ZNF398: variants seen among roughly 807,000 people sequenced by gnomAD.
ZNF398 encodes zinc finger protein 398.
A neutral mutation model predicts 41.9 loss-of-function variants in ZNF398; 18 were observed. The ratio of observed to expected loss-of-function variants is 0.43; its 90% CI spans 0.30 to 0.64. ZNF398 has a LOEUF of 0.64. Among genes scored for constraint, ZNF398 ranks in the 30% least tolerant of loss-of-function variants. The pLI is 0.14. For synonymous variants in ZNF398, 260 were observed against 308.8 expected (o/e 0.84, Z 1.66); for missense variants, 669 against 822.8 (o/e 0.81, Z 2.29).
At chr7:149,143,305 A>G (rs971816861), upstream of ZNF398, among the ~76,000 whole-genome samples, 5 of 152,244 alleles carry the variant, frequency 3.3e-5, no homozygotes, top group Admixed American at 1.3e-4. Flanking sequence ...AATATTACCA[A>G]TGTAGCAAGA....
At chr7:149,172,333 C>T (rs147982355) in intron 4 of ZNF398, among the ~76,000 whole-genome samples, 7 of 152,228 alleles carry the variant, frequency 4.6e-5, no homozygotes, top group East Asian at 1.9e-4. Context: ...TCATCTGGGG[C>T]GTGAATCATC....
At chr7:149,167,528 A>G (rs969806037) in intron 4 of ZNF398, among the ~76,000 whole-genome samples, 1 of 152,022 alleles carries the variant, frequency 6.6e-6, no homozygotes, top group Admixed American at 6.6e-5. Context: ...TTGTTCTTTG[A>G]TGGATAGAAG....
intron 2 of ZNF398, among the ~76,000 whole-genome samples, chr7:149,154,875 G>A (rs886946611): frequency 2.0e-5 from 3 of 151,690 alleles, no homozygotes; most frequent in Non-Finnish European, 4.4e-5. Flanking sequence ...TATAATCCTA[G>A]CCACTCGGGA....
At chr7:149,134,246 TG>T (rs1186798888) in intron 2 of ZNF398, among the ~76,000 whole-genome samples, 104 of 151,724 alleles carry the variant, frequency 6.9e-4, no homozygotes, top group African/African-American at 2.2e-3. Flanking sequence ...TTTGTTTTTT[TG>T]TTTTTTTTGG....
At chr7:149,166,371 C>T (rs984076136) in intron 3 of ZNF398, 87 bp downstream of exon 3, 8 of 1,515,300 alleles carry the variant, frequency 5.3e-6, no homozygotes, top group Non-Finnish European at 7.3e-6. Flanking sequence ...TGACCTCATT[C>T]TCACTCTGTC....
At chr7:149,150,484 G>A (rs140232604) in intron 1 of ZNF398, among the ~76,000 whole-genome samples, 121 of 152,038 alleles carry the variant, frequency 8.0e-4, no homozygotes, top group African/African-American at 2.5e-3. Flanking sequence ...CTGTGGTCCC[G>A]GCTACTCGGG....
intron 2 of ZNF398, among the ~76,000 whole-genome samples, chr7:149,135,408 A>G (rs550346492): frequency 1.4e-3 from 213 of 148,770 alleles, no homozygotes; most frequent in African/African-American, 3.9e-3. Flanking sequence ...AAAAAAAAAA[A>G]AAAGAAAGAA....
intron 4 of ZNF398, among the ~76,000 whole-genome samples, chr7:149,174,147 A>G (rs976053996): frequency 3.3e-5 from 5 of 152,010 alleles, no homozygotes; most frequent in African/African-American, 1.2e-4. Context: ...TAAAATGAAC[A>G]CCGGGTTCAA....
chr7:149,161,850 G>A lies in ZNF398; in HGVS notation c.421-4308G>A, dbSNP rs551058495. Among the ~76,000 whole-genome samples the A allele has an allele frequency of 2.4e-4, 36 of 149,396 alleles. 1 individual carries two copies. The highest frequency in any genetic ancestry group is 3.2e-3 in the Middle Eastern group (1 of 308). On this transcript the variant is annotated intron_variant, in intron 2 of 5. Transcript: ENST00000475153. ...GGGAATTGTTAAAAGCCCAAATACAGCAAGAATTAGAAACTCCAGTGTTTT... is the reference window on the plus strand; with the variant it reads ...GGGAATTGTTAAAAGCCCAAATACAACAAGAATTAGAAACTCCAGTGTTTT...
intron 2 of ZNF398, among the ~76,000 whole-genome samples, chr7:149,129,769 C>A (rs1055253500): frequency 6.6e-6 from 1 of 151,768 alleles, no homozygotes; most frequent in Non-Finnish European, 1.5e-5. Flanking sequence ...GTATTTTTTC[C>A]GTTTTATTAT....
intron 4 of ZNF398, among the ~76,000 whole-genome samples, chr7:149,175,451 G>A (rs895399048): frequency 1.3e-5 from 2 of 152,112 alleles, no homozygotes; most frequent in African/African-American, 4.8e-5. Flanking sequence ...GATATTGGCT[G>A]TGCACTTTTT....
At chr7:149,163,195 TTTG>T (rs371258171) in intron 2 of ZNF398, among the ~76,000 whole-genome samples, 1 of 128,750 alleles carries the variant, frequency 7.8e-6, no homozygotes, top group Non-Finnish European at 1.8e-5. Context: ...AAATACCTGT[TTTG>T]TTTGTTTGTT....
chr7:149,177,911 G>A (rs1410682491), intron 5 of ZNF398, among the ~76,000 whole-genome samples: 1 of 152,168 alleles, frequency 6.6e-6, no homozygotes, highest in East Asian at 1.9e-4. Context: ...CACTTTGGGA[G>A]GCTGAGGCAG....
At chr7:149,139,862 G>A (rs552883545) in intron 2 of ZNF398, among the ~76,000 whole-genome samples, 56 of 151,818 alleles carry the variant, frequency 3.7e-4, no homozygotes, top group African/African-American at 1.3e-3. Context: ...AAAATTAGCC[G>A]GGCGTGGTGG....
intron 2 of ZNF398, among the ~76,000 whole-genome samples, chr7:149,140,883 T>A (rs903711005): frequency 6.6e-6 from 1 of 151,772 alleles, no homozygotes; most frequent in Non-Finnish European, 1.5e-5. Flanking sequence ...CTACCAAAAA[T>A]TTAAAAGTTA....
chr7:149,129,676 GGCCTA>G (rs1394103131), intron 2 of ZNF398, among the ~76,000 whole-genome samples: 7 of 152,032 alleles, frequency 4.6e-5, no homozygotes, highest in Non-Finnish European at 8.8e-5. Context: ...CACTGCGCCT[GGCCTA>G]CAACAGTTTT....
At chr7:149,132,092 T>C (rs748282245) in intron 2 of ZNF398, among the ~76,000 whole-genome samples, 1 of 152,158 alleles carries the variant, frequency 6.6e-6, no homozygotes. Context: ...AAAATATTGC[T>C]TGATCAAAAG....
chr7:149,155,707 A>ATATATATTTT (rs1794954712), intron 2 of ZNF398, among the ~76,000 whole-genome samples: 1 of 73,578 alleles, frequency 1.4e-5, no homozygotes, highest in Non-Finnish European at 2.4e-5. Context: ...ATATATATAT[A>ATATATATTTT]TTTTTTTTTT....
At chr7:149,159,715 C>CA (rs563529439) in intron 2 of ZNF398, among the ~76,000 whole-genome samples, 2,998 of 142,578 alleles carry the variant, frequency 0.021, 103 homozygotes, top group African/African-American at 0.07. Context: ...AACTTTTCCT[C>CA]AAAAAAAAAA....
Sources: allele counts gnomAD v4.1 joint callset (sites outside exome capture counted in the v4.1 genomes callset), GRCh38; gene constraint gnomAD v4.1.1; transcripts MANE v1.5; gene names NCBI Gene and HGNC (gene_info 2026-07-23, HGNC 2026-07-21).